The following DGKD variants were observed in gnomAD, a reference collection of about 807,000 sequenced individuals.
DGKD encodes the protein DAG kinase delta.
A neutral mutation model predicts 154.4 loss-of-function variants in DGKD; 68 were observed. That is an observed-to-expected ratio of 0.44 (90% confidence interval 0.36 to 0.54). The LOEUF is 0.54. DGKD is among the 20% of genes least tolerant of loss of function. The pLI is 0.00. For synonymous variants in DGKD, 693 were observed against 638.0 expected (o/e 1.09, Z -1.30); for missense variants, 1,343 against 1,593.6 (o/e 0.84, Z 2.68).
intron 1 of DGKD, among the ~76,000 whole-genome samples, chr2:233,371,402 T>C (rs1468484100): frequency 1.3e-5 from 2 of 152,172 alleles, no homozygotes; most frequent in African/African-American, 4.8e-5. Flanking sequence ...GTCTTCTTGT[T>C]GTTGAATTGT....
intron 28 of DGKD, 83 bp from the exon 29 acceptor site, chr2:233,468,340 C>T (rs2063894628): frequency 1.3e-6 from 2 of 1,558,970 alleles, no homozygotes; most frequent in Middle Eastern, 3.4e-4. Flanking sequence ...GCACTGGGCT[C>T]TCGGGTGCTG....
At chr2:233,454,732 G>C in intron 18 of DGKD, 31 bp from the exon 19 acceptor site, 1 of 1,346,874 alleles carries the variant, frequency 7.4e-7, no homozygotes, top group South Asian at 1.2e-5. Context: ...CAGCAGGGCT[G>C]TTGTAATTGA....
Position 233,381,999 on chromosome 2 carries a change from C to T in DGKD, c.157-6258C>T, listed in dbSNP as rs539052404. ...CTGTGATCCCAGCACTTTGGGAGGC[C>T]GAGGTGGGTGGATCACCCAAAGTCA... On this transcript the variant is annotated intron_variant, in intron 1 of 29. Coordinates refer to ENST00000264057, the MANE Select transcript of DGKD (RefSeq NM_152879.3). 1.6e-4 allele frequency among the ~76,000 whole-genome samples: 24 copies of T among 152,298 alleles called. No homozygotes were observed. In the South Asian group the frequency reaches 2.3e-3, roughly 14 times the overall value.
At chr2:233,359,841 C>T (rs1701699595) in intron 1 of DGKD, among the ~76,000 whole-genome samples, 1 of 152,128 alleles carries the variant, frequency 6.6e-6, no homozygotes, top group African/African-American at 2.4e-5. Flanking sequence ...AACAATCACA[C>T]AGTTAATATG....
intron 3 of DGKD, among the ~76,000 whole-genome samples, chr2:233,406,812 C>T (rs1050192328): frequency 2.6e-5 from 4 of 152,128 alleles, no homozygotes; most frequent in Admixed American, 1.3e-4. Context: ...GACATCCTCC[C>T]GGTTGATCTT....
chr2:233,360,684 T>A (rs921619254), intron 1 of DGKD, among the ~76,000 whole-genome samples: 2 of 152,208 alleles, frequency 1.3e-5, no homozygotes, highest in Non-Finnish European at 1.5e-5. Context: ...CCACTGTGCC[T>A]GGCTAATTAA....
intron 3 of DGKD, among the ~76,000 whole-genome samples, chr2:233,422,488 C>G (rs1175653984): frequency 6.6e-6 from 1 of 152,176 alleles, no homozygotes; most frequent in Non-Finnish European, 1.5e-5. Flanking sequence ...TCTACCCACC[C>G]CTCCTGACAT....
chr2:233,355,451 G>A (rs1235384457), intron 1 of DGKD, among the ~76,000 whole-genome samples: 1 of 152,250 alleles, frequency 6.6e-6, no homozygotes, highest in African/African-American at 2.4e-5. Flanking sequence ...TCCTCAGGCA[G>A]GTGGCTGGAC....
chr2:233,395,407 T>C (rs1703941091), intron 3 of DGKD, among the ~76,000 whole-genome samples: 1 of 151,946 alleles, frequency 6.6e-6, no homozygotes, highest in Non-Finnish European at 1.5e-5. Context: ...GGGGTGCAAG[T>C]AGTCCACCCA....
At chr2:233,366,042 C>G (rs1170239167) in intron 1 of DGKD, among the ~76,000 whole-genome samples, 1 of 152,036 alleles carries the variant, frequency 6.6e-6, no homozygotes, top group Non-Finnish European at 1.5e-5. Context: ...AAGAGGTATG[C>G]AAAGGCCCTG....
rs113769765 is a variant in DGKD at position 233,462,402 on chromosome 2, C to T, written c.3036C>T (p.Ala1012=). The T allele has an allele frequency of 8.4e-5, 134 of 1,604,568 alleles. No individual in the cohort carries two copies. The African/African-American group carries it at 8.9e-4, about 11-fold the overall frequency. ...ACATGGAGCAGGAACTGGCCCACGC[C>T]GTCAATGCCAGCTCCAAGTCCATGG... The part of the protein sequence containing the change: ...HRDMEQELAH[A]VNASSKSMDR... The change falls in exon 25 of 30, where the codon GCC becomes GCT. Residue 1012 remains alanine, a synonymous_variant. Transcript: ENST00000264057.
At chr2:233,401,748 C>T (rs1233955020) in intron 3 of DGKD, among the ~76,000 whole-genome samples, 5 of 151,734 alleles carry the variant, frequency 3.3e-5, no homozygotes, top group East Asian at 1.9e-4. Flanking sequence ...GATGAAACCC[C>T]GTCTCTACTA....
At chr2:233,435,670 G>A (rs1470162363) in intron 5 of DGKD, 148 bp from the exon 6 acceptor site, 10 of 598,590 alleles carry the variant, frequency 1.7e-5, no homozygotes, top group East Asian at 3.3e-5. Flanking sequence ...GCCTCTAAGC[G>A]TATCACAGTA....
chr2:233,399,743 G>A (rs2061511616), intron 3 of DGKD, among the ~76,000 whole-genome samples: 1 of 152,144 alleles, frequency 6.6e-6, no homozygotes, highest in African/African-American at 2.4e-5. Flanking sequence ...GTCTGCTGCT[G>A]GAGGCGAGAT....
intron 8 of DGKD, among the ~76,000 whole-genome samples, chr2:233,437,842 A>G (rs72482113): frequency 0.01 from 1,565 of 152,292 alleles, 18 homozygotes; most frequent in East Asian, 0.027. Context: ...GCTGTGCCCC[A>G]TCTCTGCCTA....
At position 233,354,683 on chromosome 2, in the gene DGKD, G is replaced by A; in HGVS notation, c.156+9G>A. On this transcript the variant is annotated intron_variant, in intron 1 of 29. Transcript: ENST00000264057. The surrounding 1 kb of genome is among the most constrained non-coding windows in gnomAD (Gnocchi z 4.8). ...GTCAGATCCGACAGAAGGTGAGCCC[G>A]CGGCGCGGCGGCCCGGGCGCGCGCC... 1 of 994,026 alleles carries A rather than the reference G, an allele frequency of 1.0e-6. No homozygotes were observed. Among genetic ancestry groups the A allele is most frequent in the South Asian group, 3.9e-5 (1 of 25,596 alleles). The allele number at this position is 994,026 out of a possible 1,614,324, so 61.6% of individuals were successfully genotyped here.
chr2:233,454,045 G>A (rs1411977605), intron 18 of DGKD, among the ~76,000 whole-genome samples: 2 of 152,244 alleles, frequency 1.3e-5, no homozygotes, highest in African/African-American at 4.8e-5. Flanking sequence ...CTGGTGGAGT[G>A]TAAGATGGGC....
At chr2:233,456,042 T>C (rs2063449711) in intron 19 of DGKD, among the ~76,000 whole-genome samples, 1 of 152,240 alleles carries the variant, frequency 6.6e-6, no homozygotes. Context: ...AACAGGGGCA[T>C]GCATAATACA....
chr2:233,362,773 A>T (rs1306910967), intron 1 of DGKD, among the ~76,000 whole-genome samples: 3 of 152,260 alleles, frequency 2.0e-5, no homozygotes, highest in African/African-American at 7.2e-5. Flanking sequence ...TTCCTGGTAC[A>T]CCCTTGTGCT....
Sources: gnomAD v4.1 joint callset for allele counts (sites outside exome capture counted in the v4.1 genomes callset) on GRCh38, gnomAD v4.1.1 for gene constraint, Gnocchi (gnomAD v3.1) non-coding constraint, MANE v1.5 for transcripts, NCBI Gene and HGNC (gene_info 2026-07-23, HGNC 2026-07-21) for gene names.